Variants in NOD2 observed in about 807,000 individuals in gnomAD.
The protein encoded by NOD2 is nucleotide-binding oligomerization domain-containing protein 2.
Under a neutral mutation model 90.9 loss-of-function variants are expected in NOD2, and 86 were observed. That is an observed-to-expected ratio of 0.95 (90% CI 0.79 to 1.13). The LOEUF (loss-of-function observed/expected upper bound fraction) is 1.13. Among genes scored for constraint, NOD2 ranks in the 50% most tolerant of loss-of-function variants. NOD2 has a pLI of 0.00. For missense variants in NOD2, 1,238 were observed against 1,283.8 expected (o/e 0.96, Z 0.55); for synonymous variants, 581 against 554.6 (o/e 1.05, Z -0.67).
chr16:50,708,043 A>G, intron 3 of NOD2, 83 bp downstream of exon 3: 1 of 942,280 alleles, frequency 1.1e-6, no homozygotes, highest in South Asian at 1.3e-5. Flanking sequence ...ACCTCGGTTA[A>G]CATCCCATAT....
At chr16:50,708,112 G>A (rs1045344827) in intron 3 of NOD2, 152 bp downstream of exon 3, 11 of 690,976 alleles carry the variant, frequency 1.6e-5, no homozygotes, top group Admixed American at 1.2e-4. Flanking sequence ...GCACCACCCC[G>A]TCTCATTGGG....
intron 2 of NOD2, among the ~76,000 whole-genome samples, chr16:50,700,764 A>G (rs1282043153): frequency 6.6e-6 from 1 of 152,254 alleles, no homozygotes; most frequent in Non-Finnish European, 1.5e-5. Context: ...ACAGCACAAC[A>G]GACCATAACA....
intron 4 of NOD2, 110 bp from the exon 5 acceptor site, chr16:50,716,477 G>A: frequency 1.9e-6 from 2 of 1,078,568 alleles, no homozygotes; most frequent in Non-Finnish European, 2.7e-6. Flanking sequence ...TTTCCTGGAA[G>A]CACAGATGCT....
At position 50,707,877 on chromosome 16, in the gene NOD2, C is replaced by T. The variant is rs867121621; in HGVS notation, c.482C>T (p.Ala161Val). 6.2e-7 allele frequency: 1 copy of T among 1,613,982 alleles called. No homozygotes were observed. Among genetic ancestry groups the T allele is most frequent in the Non-Finnish European group, 8.5e-7 (1 of 1,179,820 alleles). Reference sequence around the variant, plus strand: ...TAGGCAAGAAGGCTGCTTGATCTTGCCACGGTGAAAGCGAATGGATTGGCT... The same window carrying T: ...TAGGCAAGAAGGCTGCTTGATCTTGTCACGGTGAAAGCGAATGGATTGGCT... Reference protein sequence around the residue: ...SQRARRLLDLATVKANGLAAF... With the variant: ...SQRARRLLDLVTVKANGLAAF... Residue 161 changes from alanine to valine, a missense_variant, in exon 3 of 12, where the codon GCC becomes GTC. Physicochemically the swap from Ala to Val is moderately conservative, Grantham distance 64 (BLOSUM62 0). Around this residue, in one of 3 missense-constraint regions of NOD2, gnomAD observed 567 missense variants for 577.3 expected, o/e 0.98. Transcript: ENST00000647318.
At position 50,711,973 on chromosome 16, in the gene NOD2, G is replaced by C. The variant is rs1227364743; in HGVS notation, c.1981G>C (p.Gly661Arg). ...AGGGCTGTTGTCCCGGGAGCACTGGGGCCTGCTGGCTGAGTGCCAGACATC... is the reference window on the plus strand; with the variant it reads ...AGGGCTGTTGTCCCGGGAGCACTGGCGCCTGCTGGCTGAGTGCCAGACATC... ...LAGLLSREHW[G>R]LLAECQTSEK... The change falls in exon 4 of 12, where the codon GGC (glycine) becomes CGC (arginine). Residue 661 changes from glycine to arginine, a missense_variant. Transcript: ENST00000647318. 1.2e-6 allele frequency: 2 copies of C among 1,613,396 alleles called. No homozygotes were observed. The highest frequency in any genetic ancestry group is 2.2e-5 in the South Asian group (2 of 91,048).
chr16:50,695,291 G>A (rs1430461323), intron 1 of NOD2, among the ~76,000 whole-genome samples: 1 of 152,140 alleles, frequency 6.6e-6, no homozygotes, highest in Non-Finnish European at 1.5e-5. Context: ...TCAGATTTGG[G>A]ATATATTTCA....
At chr16:50,723,419 G>A (rs945127269) in intron 9 of NOD2, 35 bp downstream of exon 9, 2 of 1,586,352 alleles carry the variant, frequency 1.3e-6, no homozygotes, top group African/African-American at 2.7e-5. Context: ...TGGGGAAGTG[G>A]ATCACAATCT....
At chr16:50,707,411 G>A (rs928122361) in intron 2 of NOD2, among the ~76,000 whole-genome samples, 2 of 152,184 alleles carry the variant, frequency 1.3e-5, no homozygotes, top group African/African-American at 2.4e-5. Context: ...AAGTGGAGAT[G>A]GAAAATAGGC....
intron 8 of NOD2, 142 bp from the exon 9 acceptor site, chr16:50,723,159 A>G (rs1050843879): frequency 3.0e-6 from 2 of 656,224 alleles, no homozygotes; most frequent in African/African-American, 1.8e-5. Flanking sequence ...AAAAAAGAAA[A>G]AAGAAAGAGC....
chr16:50,707,447 AG>A (rs1190246021), intron 2 of NOD2, among the ~76,000 whole-genome samples: 2 of 152,240 alleles, frequency 1.3e-5, no homozygotes, highest in Non-Finnish European at 2.9e-5. Flanking sequence ...TCCAGGGTTC[AG>A]GGAGACAGTT....
rs1317615518 is a variant in NOD2 at position 50,711,111 on chromosome 16, C to T, written c.1119C>T (p.Pro373=). 6.2e-7 allele frequency: 1 copy of T among 1,614,216 alleles called. No individual in the cohort carries two copies. Among genetic ancestry groups the T allele is most frequent in the South Asian group, 1.1e-5 (1 of 91,088 alleles). The change falls in exon 4 of 12, where the codon CCC becomes CCT. Residue 373 remains proline, a synonymous_variant. Coordinates refer to ENST00000647318, the MANE Select transcript of NOD2 (RefSeq NM_001370466.1). ...DRERHCSPTD[P]TSVQTLLFNL... Reference sequence around the variant, plus strand: ...AACGCCACTGCTCCCCGACCGACCCCACCTCTGTCCAGACCCTGCTCTTCA... The same window carrying T: ...AACGCCACTGCTCCCCGACCGACCCTACCTCTGTCCAGACCCTGCTCTTCA...
chr16:50,699,713 GTCAGAAGC>G lies in NOD2; in HGVS notation c.222_229del (p.Gln74HisfsTer63). On this transcript the variant is annotated frameshift_variant, in exon 2 of 12. Transcript: ENST00000647318. LOFTEE classifies it high-confidence loss of function. ...GTCTGGAATAAGGGTACTTGGGCCT[GTCAGAAGC>G]TCATCGCGGCTGCCCAAGAAGCCCA... The G allele has an allele frequency of 6.2e-7, 1 of 1,614,156 alleles. No individual in the cohort carries two copies. Among genetic ancestry groups the G allele is most frequent in the Non-Finnish European group, 8.5e-7 (1 of 1,180,040 alleles).
intron 1 of NOD2, among the ~76,000 whole-genome samples, chr16:50,696,891 T>C (rs1963671380): frequency 6.6e-6 from 1 of 152,216 alleles, no homozygotes; most frequent in Non-Finnish European, 1.5e-5. Context: ...CTGGGGTGTG[T>C]ATGGCTCACA....
In NOD2 at chr16:50,699,524, A is replaced by G. The variant is rs1294855545; in HGVS notation, c.29A>G (p.Gln10Arg). ...TGCTCGCAGGAGGCTTTTCAGGCAC[A>G]GAGGAGCCAGCTGGTCGAGCTGCTG... MCSQEAFQA[Q>R]RSQLVELLVS... The change falls in exon 2 of 12, where the codon CAG (glutamine) becomes CGG (arginine). Residue 10 changes from glutamine (Q) to arginine (R), a missense_variant. Transcript: ENST00000647318. 1.5e-5 allele frequency: 25 copies of G among 1,613,694 alleles called. No homozygotes were observed. The highest frequency in any genetic ancestry group is 1.9e-5 in the Non-Finnish European group (23 of 1,180,014).
At position 50,699,481 on chromosome 16, in the gene NOD2, T is replaced by G. The variant is rs104895421; in HGVS notation, c.-8-7T>G. ...AAGTCCCGCACTGACCTTGTTCTCC[T>G]CCCCAGGTTGTGAAATGTGCTCGCA... is the stretch of plus-strand genomic sequence containing the variant. On this transcript the variant is annotated splice_polypyrimidine_tract_variant and splice_region_variant and intron_variant, in intron 1 of 11. Transcript: ENST00000647318. The G allele has an allele frequency of 6.2e-7, 1 of 1,612,116 alleles. No homozygotes were observed. Among genetic ancestry groups the G allele is most frequent in the African/African-American group, 1.3e-5 (1 of 74,852 alleles).
rs188341692 is a variant in NOD2 at position 50,697,191 on chromosome 16, C to T, written c.-8-2297C>T. 508 of 1,478,922 alleles carry T rather than the reference C, an allele frequency of 3.4e-4. No individual in the cohort carries two copies. The highest frequency in any genetic ancestry group is 2.4e-3 in the Middle Eastern group (12 of 4,930). 91.6% of individuals were successfully genotyped at this position (1,478,922 alleles called of 1,614,324 possible). On this transcript the variant is annotated intron_variant, in intron 1 of 11. Coordinates refer to ENST00000647318, the MANE Select transcript of NOD2 (RefSeq NM_001370466.1). ...GTGCCACTGGGCTTTTGGCGTTCTGCACAAGGCCTACCCGCAGATGCCATG... is the reference window on the plus strand; with the variant it reads ...GTGCCACTGGGCTTTTGGCGTTCTGTACAAGGCCTACCCGCAGATGCCATG...
In NOD2 at chr16:50,731,935, G is replaced by A; in HGVS notation, c.*116G>A. ...TCAAAATGAGCCCTGTCCTGCCTAA[G>A]GCTGAACTTGTTTTCTGGGAACACC... On this transcript the variant is annotated 3_prime_UTR_variant, in exon 12 of 12. Transcript: ENST00000647318. 1.3e-6 allele frequency: 1 copy of A among 776,106 alleles called. No homozygotes were observed. The highest frequency in any genetic ancestry group is 1.9e-5 in the Admixed American group (1 of 53,698). 48.1% of individuals were successfully genotyped at this position (776,106 alleles called of 1,614,324 possible).
chr16:50,721,200 G>A (rs959801374), intron 7 of NOD2, among the ~76,000 whole-genome samples: 1 of 151,766 alleles, frequency 6.6e-6, no homozygotes, highest in African/African-American at 2.4e-5. Context: ...TAGAACAAAG[G>A]AGGCCACAGC....
chr16:50,711,079 G>A lies in NOD2; in HGVS notation c.1087G>A (p.Asp363Asn), dbSNP rs147283871. Residue 363 changes from aspartate to asparagine, a missense_variant, in exon 4 of 12, where the codon GAT becomes AAT. Around this residue, in one of 3 missense-constraint regions of NOD2, gnomAD observed 567 missense variants for 577.3 expected, o/e 0.98. Transcript: ENST00000647318. ...GFDEFKFRFT[D>N]RERHCSPTDP... ...TGACGAGTTCAAGTTCAGGTTCACGGATCGTGAACGCCACTGCTCCCCGAC... is the reference window on the plus strand; with the variant it reads ...TGACGAGTTCAAGTTCAGGTTCACGAATCGTGAACGCCACTGCTCCCCGAC... 2.1e-5 allele frequency: 34 copies of A among 1,614,176 alleles called. No individual in the cohort carries two copies. Among genetic ancestry groups the A allele is most frequent in the Non-Finnish European group, 2.7e-5 (32 of 1,180,038 alleles).
Sources: allele counts gnomAD v4.1 joint callset (sites outside exome capture counted in the v4.1 genomes callset), GRCh38; gene constraint gnomAD v4.1.1; regional missense constraint gnomAD v4.1.1; transcripts MANE v1.5; gene names NCBI Gene and HGNC (gene_info 2026-07-23, HGNC 2026-07-21).